The following SYN3 variants were observed in gnomAD, a reference collection of about 807,000 sequenced individuals.
SYN3 encodes synapsin III, also known as synapsin-3.
Under a neutral mutation model 65.8 loss-of-function variants are expected in SYN3, and 35 were observed. The observed-to-expected ratio is 0.53, with a 90% CI of 0.41 to 0.70. The LOEUF (loss-of-function observed/expected upper bound fraction) is 0.70. Among genes scored for constraint, SYN3 ranks in the 30% least tolerant of loss-of-function variants. The probability of loss-of-function intolerance (pLI) is 0.00; values close to 1 mark genes in which losing one functional copy is unlikely to be tolerated. For missense variants in SYN3, 680 were observed against 749.0 expected (o/e 0.91, Z 1.08); for synonymous variants, 270 against 292.9 (o/e 0.92, Z 0.80).
At position 32,621,290 on chromosome 22, in the gene SYN3, C is replaced by T. The variant is rs546368246; in HGVS notation, c.712-24554G>A. Reference sequence around the variant, plus strand: ...GGCCAGGTAAAGCTGGTCCTGGTAACTTTTGCCTTTTTTTTTTTTTTTTCC... The same window carrying T: ...GGCCAGGTAAAGCTGGTCCTGGTAATTTTTGCCTTTTTTTTTTTTTTTTCC... On this transcript the variant is annotated intron_variant, in intron 6 of 13. Transcript: ENST00000358763. 4.6e-5 allele frequency among the ~76,000 whole-genome samples: 6 copies of T among 130,036 alleles called. No individual in the cohort carries two copies. The South Asian group carries it at 1.7e-3, about 37-fold the overall frequency. The allele number at this position is 130,036 out of a possible 152,430, so 85.3% of individuals were successfully genotyped here. A position where few individuals can be genotyped will look rare whatever the true frequency, so the allele number is the denominator to read the frequency against.
chr22:32,718,432 G>T (rs1260758033), intron 6 of SYN3, among the ~76,000 whole-genome samples: 1 of 151,528 alleles, frequency 6.6e-6, no homozygotes, highest in African/African-American at 2.4e-5. Flanking sequence ...AGGACCCGAG[G>T]TGTGCCCCTG....
intron 6 of SYN3, among the ~76,000 whole-genome samples, chr22:32,645,424 C>T (rs1299133777): frequency 6.7e-6 from 1 of 149,306 alleles, no homozygotes; most frequent in Non-Finnish European, 1.5e-5. Flanking sequence ...GCACTCCAGC[C>T]TGGGCAACAA....
chr22:32,779,409 G>A (rs1360139847), intron 6 of SYN3, among the ~76,000 whole-genome samples: 2 of 152,164 alleles, frequency 1.3e-5, no homozygotes, highest in African/African-American at 2.4e-5. Flanking sequence ...GCAGTGAGCC[G>A]AGATGGCGCC....
chr22:32,949,594 T>C (rs751073373), intron 3 of SYN3, among the ~76,000 whole-genome samples: 1 of 152,076 alleles, frequency 6.6e-6, no homozygotes, highest in Non-Finnish European at 1.5e-5. Context: ...ATGGAATGCA[T>C]TCAATTTCCT....
At chr22:33,052,700 T>C (rs191361285) in intron 1 of SYN3, among the ~76,000 whole-genome samples, 52 of 152,234 alleles carry the variant, frequency 3.4e-4, no homozygotes, top group Middle Eastern at 3.4e-3. Context: ...ACTTAACCAA[T>C]GGAGCACCAG....
At chr22:32,971,445 AAGGCTT>A (rs1190412536) in intron 3 of SYN3, among the ~76,000 whole-genome samples, 1 of 152,238 alleles carries the variant, frequency 6.6e-6, no homozygotes, top group Non-Finnish European at 1.5e-5. Flanking sequence ...TTAACAAAAC[AAGGCTT>A]AGTGGATCAG....
intron 1 of SYN3, among the ~76,000 whole-genome samples, chr22:33,056,551 G>A (rs578247936): frequency 2.0e-5 from 3 of 152,284 alleles, no homozygotes; most frequent in East Asian, 1.9e-4. Context: ...CAAAGGCCTC[G>A]TCTCTTTGTC....
At chr22:32,565,636 C>T (rs2058662175) in intron 7 of SYN3, among the ~76,000 whole-genome samples, 1 of 150,896 alleles carries the variant, frequency 6.6e-6, no homozygotes, top group African/African-American at 2.4e-5. Flanking sequence ...CCTGCTACAG[C>T]CTCCCGAGTA....
Position 33,006,585 on chromosome 22 carries a change from T to C in SYN3, c.78A>G (p.Gln26=), listed in dbSNP as rs754579834. The change falls in exon 2 of 14, where the codon CAA becomes CAG. Residue 26 remains glutamine (Q), a synonymous_variant. Coordinates refer to ENST00000358763, the MANE Select transcript of SYN3 (RefSeq NM_003490.4). ...GTGAGCTGGTGGAGCTATCTGGGCG[T>C]TGCAGGTCCGTCATATAGCCATTAG... ...NLPNGYMTDL[Q]RPDSSTSSPA... 11 of 1,613,842 alleles carry C rather than the reference T, an allele frequency of 6.8e-6. No homozygotes were observed. The Admixed American group carries it at 8.3e-5, about 12-fold the overall frequency.
In SYN3 at chr22:32,539,791, G is replaced by GAA. The variant is rs57215045; in HGVS notation, c.918-1683_918-1682dup. 6.2e-3 allele frequency among the ~76,000 whole-genome samples: 918 copies of GAA among 147,430 alleles called. 12 individuals carry two copies. The highest frequency in any genetic ancestry group is 0.014 in the African/African-American group (543 of 39,982). On this transcript the variant is annotated intron_variant, in intron 8 of 13. Transcript: ENST00000358763. Reference sequence around the variant, plus strand: ...AATGCTGCAATGAGGTAATCCTCAAGAAAAAAAAAAACTGGGACAAGGTGT... The same window carrying GAA: ...AATGCTGCAATGAGGTAATCCTCAAGAAAAAAAAAAAAACTGGGACAAGGTGT...
At chr22:32,690,565 T>A (rs4821088) in intron 6 of SYN3, among the ~76,000 whole-genome samples, 3 of 152,058 alleles carry the variant, frequency 2.0e-5, no homozygotes, top group African/African-American at 4.8e-5. Flanking sequence ...CCTTTCCCTG[T>A]GCTCAGGAGC....
At chr22:32,529,305 G>A (rs1250398104) in intron 10 of SYN3, among the ~76,000 whole-genome samples, 2 of 152,100 alleles carry the variant, frequency 1.3e-5, no homozygotes, top group East Asian at 1.9e-4. Flanking sequence ...TTGGGGAGCC[G>A]CTCTCCGCCC....
At position 32,631,182 on chromosome 22, in the gene SYN3, C is replaced by T. The variant is rs184277194; in HGVS notation, c.712-34446G>A. 3.1e-3 allele frequency among the ~76,000 whole-genome samples: 466 copies of T among 152,228 alleles called. 1 individual carries two copies. Among genetic ancestry groups the T allele is most frequent in the Non-Finnish European group, 5.0e-3 (340 of 68,032 alleles). On this transcript the variant is annotated intron_variant, in intron 6 of 13. Coordinates refer to ENST00000358763, the MANE Select transcript of SYN3 (RefSeq NM_003490.4). ...TGGTGGCATGCGCCTGTAATCCCAG[C>T]TACTCGGGAGGCTGAGGCAGAAGAA...
Position 33,020,017 on chromosome 22 carries a change from G to A in SYN3, c.-162-13193C>T, listed in dbSNP as rs528804082. Among the ~76,000 whole-genome samples, 3 of 152,302 alleles carry A rather than the reference G, an allele frequency of 2.0e-5. No homozygotes were observed. In the East Asian group the frequency reaches 5.8e-4, roughly 29 times the overall value. On this transcript the variant is annotated intron_variant, in intron 1 of 13. Coordinates refer to ENST00000358763, the MANE Select transcript of SYN3 (RefSeq NM_003490.4). ...TAGTAATGAAACATCGTTTTTAGTAGTGGTATCTTTACAATATCATCAGGA... is the reference window on the plus strand; with the variant it reads ...TAGTAATGAAACATCGTTTTTAGTAATGGTATCTTTACAATATCATCAGGA...
chr22:32,708,275 T>C (rs2060906927), intron 6 of SYN3, among the ~76,000 whole-genome samples: 1 of 152,108 alleles, frequency 6.6e-6, no homozygotes, highest in African/African-American at 2.4e-5. Flanking sequence ...TGCGTGGGGA[T>C]AATACAAAGC....
Position 32,678,017 on chromosome 22 carries a change from T to C in SYN3, c.712-81281A>G, listed in dbSNP as rs922660372. ...AGAGCTCAGTTCTGCTGGAGTGTCA[T>C]GAGGAAGGTGAGGCCTCAGAGGGAG... On this transcript the variant is annotated intron_variant, in intron 6 of 13. Transcript: ENST00000358763. 5.3e-5 allele frequency among the ~76,000 whole-genome samples: 8 copies of C among 152,062 alleles called. No homozygotes were observed. In the East Asian group the frequency reaches 7.7e-4, roughly 15 times the overall value.
In SYN3 at chr22:32,864,939, T is replaced by C; in HGVS notation, c.687A>G (p.Thr229=). ...CCATTGGCTTATGGTTGGGGAAAAA[T>C]GTTTGCTCCACAAGCGGGAACTTCT... ...GPEKFPLVEQ[T]FFPNHKPMVT... Residue 229 remains threonine (T), a synonymous_variant, in exon 6 of 14, where the codon ACA becomes ACG. Coordinates refer to ENST00000358763, the MANE Select transcript of SYN3 (RefSeq NM_003490.4). 1.2e-6 allele frequency: 2 copies of C among 1,614,040 alleles called. No homozygotes were observed. Among genetic ancestry groups the C allele is most frequent in the Middle Eastern group, 1.7e-4 (1 of 6,060 alleles).
intron 3 of SYN3, among the ~76,000 whole-genome samples, chr22:32,946,963 T>C (rs1208619809): frequency 1.3e-5 from 2 of 152,214 alleles, no homozygotes; most frequent in Non-Finnish European, 2.9e-5. Context: ...TTTTCAACAC[T>C]GATCTCAATG....
intron 2 of SYN3, among the ~76,000 whole-genome samples, chr22:33,004,372 G>A (rs546146957): frequency 3.3e-5 from 5 of 152,256 alleles, no homozygotes; most frequent in African/African-American, 1.2e-4. Context: ...AAAACTATAG[G>A]GATGGAGCTA....
Sources: allele counts gnomAD v4.1 joint callset (sites outside exome capture counted in the v4.1 genomes callset), GRCh38; gene constraint gnomAD v4.1.1; transcripts MANE v1.5; gene names NCBI Gene and HGNC (gene_info 2026-07-23, HGNC 2026-07-21).